Variants in DGKB observed in about 807,000 individuals in gnomAD.
DGKB encodes diacylglycerol kinase beta.
DGKB carries 67 observed loss-of-function variants against 114.3 expected under a neutral mutation model. The observed-to-expected ratio is 0.59, with a 90% CI of 0.48 to 0.72. The LOEUF (loss-of-function observed/expected upper bound fraction) is 0.72. Among genes scored for constraint, DGKB ranks in the 30% least tolerant of loss-of-function variants. The pLI is 0.00. For missense variants in DGKB, 907 were observed against 975.2 expected, an observed-to-expected ratio of 0.93 and a Z score of 0.93; for synonymous variants, 398 against 323.1, an observed-to-expected ratio of 1.23 and a Z score of -2.49.
chr7:14,370,470 C>T (rs779446559), intron 21 of DGKB, among the ~76,000 whole-genome samples: 10 of 152,044 alleles, frequency 6.6e-5, no homozygotes, highest in Admixed American at 3.9e-4. Flanking sequence ...AGAAAGTCAG[C>T]GGTAGCTTGA....
At chr7:14,462,314 T>G (rs1420768168) in intron 21 of DGKB, among the ~76,000 whole-genome samples, 2 of 152,120 alleles carry the variant, frequency 1.3e-5, no homozygotes, top group African/African-American at 2.4e-5. Flanking sequence ...GGAAGTCAAA[T>G]TGTCTCTGTT....
At chr7:14,256,586 A>G (rs890670122) in intron 23 of DGKB, among the ~76,000 whole-genome samples, 1 of 152,168 alleles carries the variant, frequency 6.6e-6, no homozygotes, top group Non-Finnish European at 1.5e-5. Flanking sequence ...TCTGTTTTAC[A>G]TGTTTTAAAA....
intron 23 of DGKB, among the ~76,000 whole-genome samples, chr7:14,285,970 A>G (rs1208768301): frequency 6.6e-6 from 1 of 152,158 alleles, no homozygotes; most frequent in Admixed American, 6.6e-5. Flanking sequence ...TGTATGCATC[A>G]ATAGATCAGT....
chr7:14,676,734 T>C (rs1819924811), intron 12 of DGKB, among the ~76,000 whole-genome samples: 2 of 151,954 alleles, frequency 1.3e-5, no homozygotes, highest in Non-Finnish European at 1.5e-5. Context: ...AGATAACCTA[T>C]ATCCCAAATC....
intron 2 of DGKB, among the ~76,000 whole-genome samples, chr7:14,792,593 G>T (rs1207479058): frequency 6.6e-6 from 1 of 152,054 alleles, no homozygotes; most frequent in East Asian, 1.9e-4. Context: ...GTAAAAATAA[G>T]CTGGCAGAGA....
chr7:14,169,113 A>G (rs1463299431), intron 25 of DGKB, among the ~76,000 whole-genome samples: 2 of 151,926 alleles, frequency 1.3e-5, no homozygotes, highest in Admixed American at 6.6e-5. Flanking sequence ...TAATCCCAGC[A>G]CTTTGGGAGG....
rs118120958 is a variant in DGKB, at chr7:14,935,202, A to C, written c.-188+39494T>G. ...TGAATTGTGGCTGTTTTTAAAGGGA[A>C]TAACTAACAAAAAAGAGAGCATTTA... On this transcript the variant is annotated intron_variant, in intron 1 of 4. Transcript: ENST00000437998. 4.1e-3 allele frequency among the ~76,000 whole-genome samples: 622 copies of C among 152,288 alleles called. 3 individuals carry two copies. The highest frequency in any genetic ancestry group is 9.5e-3 in the Admixed American group (145 of 15,286).
chr7:14,739,483 T>C (rs1331111420), intron 4 of DGKB, among the ~76,000 whole-genome samples: 4 of 152,196 alleles, frequency 2.6e-5, no homozygotes, highest in Admixed American at 2.6e-4. Flanking sequence ...CAGGACCCTC[T>C]CTTTGTTGAG....
chr7:14,282,724 A>G (rs1230581429), intron 23 of DGKB, among the ~76,000 whole-genome samples: 1 of 152,072 alleles, frequency 6.6e-6, no homozygotes, highest in Non-Finnish European at 1.5e-5. Context: ...AAATCAATAA[A>G]TGTAATCCAG....
chr7:14,704,173 T>C (rs967245861), intron 6 of DGKB, among the ~76,000 whole-genome samples: 2 of 151,558 alleles, frequency 1.3e-5, no homozygotes, highest in African/African-American at 2.4e-5. Flanking sequence ...CGGTGGCTTA[T>C]GCCTGTAATC....
At chr7:14,641,386 G>A (rs1157935146) in intron 13 of DGKB, among the ~76,000 whole-genome samples, 2 of 151,870 alleles carry the variant, frequency 1.3e-5, no homozygotes, top group African/African-American at 4.8e-5. Context: ...TGTTGTTACT[G>A]TTATTATGAT....
At chr7:14,815,476 G>C (rs957622530) in intron 2 of DGKB, among the ~76,000 whole-genome samples, 2 of 152,224 alleles carry the variant, frequency 1.3e-5, no homozygotes, top group Admixed American at 1.3e-4. Flanking sequence ...CAAAAGATGA[G>C]ATACAGGTTG....
At chr7:14,739,706 T>G (rs1316795000) in intron 4 of DGKB, among the ~76,000 whole-genome samples, 1 of 152,114 alleles carries the variant, frequency 6.6e-6, no homozygotes, top group Non-Finnish European at 1.5e-5. Context: ...GGCCTTCCAG[T>G]CCTCAGACTT....
intron 21 of DGKB, among the ~76,000 whole-genome samples, chr7:14,353,495 G>A (rs1813865378): frequency 6.6e-6 from 1 of 152,080 alleles, no homozygotes; most frequent in Non-Finnish European, 1.5e-5. Flanking sequence ...CCCCTATGAA[G>A]GAAAAGACAA....
chr7:14,504,766 T>A (rs1786761743), intron 20 of DGKB, among the ~76,000 whole-genome samples: 1 of 152,172 alleles, frequency 6.6e-6, no homozygotes, highest in Non-Finnish European at 1.5e-5. Flanking sequence ...TTGAGGTTGA[T>A]TTTTATTTTA....
At chr7:14,750,949 G>A (rs544381138) in intron 4 of DGKB, among the ~76,000 whole-genome samples, 1 of 151,372 alleles carries the variant, frequency 6.6e-6, no homozygotes, top group African/African-American at 2.4e-5. Flanking sequence ...GACTACAGGC[G>A]CTCACTCCCT....
intron 23 of DGKB, among the ~76,000 whole-genome samples, chr7:14,196,043 G>A (rs1280229922): frequency 6.6e-6 from 1 of 152,044 alleles, no homozygotes; most frequent in East Asian, 1.9e-4. Flanking sequence ...GAAAAATATA[G>A]GATTATATCA....
At chr7:14,199,331 A>C (rs984392058) in intron 23 of DGKB, among the ~76,000 whole-genome samples, 1 of 152,016 alleles carries the variant, frequency 6.6e-6, no homozygotes, top group African/African-American at 2.4e-5. Context: ...ATACAGAATG[A>C]ATAGGAAAAA....
chr7:14,707,043 G>A (rs1223072011), intron 6 of DGKB, among the ~76,000 whole-genome samples: 3 of 150,246 alleles, frequency 2.0e-5, no homozygotes, highest in African/African-American at 7.4e-5. Flanking sequence ...TTTTTTGAAA[G>A]GATCAACAAA....
Sources: gnomAD v4.1 joint callset for allele counts (sites outside exome capture counted in the v4.1 genomes callset) on GRCh38, gnomAD v4.1.1 for gene constraint, MANE v1.5 for transcripts, NCBI Gene and HGNC (gene_info 2026-07-23, HGNC 2026-07-21) for gene names.